Variants in LIG4 observed in about 807,000 individuals in gnomAD.
The protein encoded by LIG4 is DNA joinase.
A neutral mutation model predicts 19.0 loss-of-function variants in LIG4; 13 were observed. The observed-to-expected ratio is 0.68, with a 90% confidence interval of 0.44 to 1.09. LIG4 has a LOEUF of 1.09. Among genes scored for constraint, LIG4 ranks in the 50% least tolerant of loss-of-function variants. LIG4 has a pLI of 0.00. For missense variants in LIG4, 1,026 were observed against 1,089.7 expected, an observed-to-expected ratio of 0.94 and a Z score of 0.82; for synonymous variants, 361 against 358.2, an observed-to-expected ratio of 1.01 and a Z score of -0.09.
At chr13:108,215,020 C>A (rs1176255560) in intron 1 of LIG4, among the ~76,000 whole-genome samples, 2 of 87,664 alleles carry the variant, frequency 2.3e-5, no homozygotes, top group Non-Finnish European at 4.7e-5. Context: ...CCTGACGTCC[C>A]AGACACCACC....
rs752582358 is a variant in LIG4 at position 108,209,778 on chromosome 13, T to C, written c.1491A>G (p.Pro497=). The change falls in exon 3 of 3, where the codon CCA becomes CCG. Residue 497 remains proline (P), a synonymous_variant. Transcript: ENST00000442234. ...CACGAGAGAGAGTATGAAACACAGA[T>C]GGCTTCTCACCAGGAGGGGGCTTCT... ...VAEKPPPGEK[P]SVFHTLSRVG... is the part of the protein sequence containing the mutation. 1 of 1,614,084 alleles carries C rather than the reference T, an allele frequency of 6.2e-7. No individual in the cohort carries two copies. The highest frequency in any genetic ancestry group is 8.5e-7 in the Non-Finnish European group (1 of 1,179,996).
Position 108,209,881 on chromosome 13 carries a change from T to C in LIG4, c.1388A>G (p.Asp463Gly). ...EYVSGLMDEL[D>G]ILIVGGYWGK... ...CCAATATCCTCCAACAATTAAAATGTCCAATTCATCCATTAGTCCACTGAC... is the reference window on the plus strand; with the variant it reads ...CCAATATCCTCCAACAATTAAAATGCCCAATTCATCCATTAGTCCACTGAC... The change falls in exon 3 of 3, where the codon GAC becomes GGC. Residue 463 changes from aspartate to glycine, a missense_variant. By Grantham distance (94) the Asp-to-Gly change is moderately conservative. Around this residue, in one of 3 missense-constraint regions of LIG4, gnomAD observed 493 missense variants for 544.5 expected, o/e 0.91. Coordinates refer to ENST00000442234, the MANE Select transcript of LIG4 (RefSeq NM_206937.2). 3 of 1,614,178 alleles carry C rather than the reference T, an allele frequency of 1.9e-6. No homozygotes were observed. The highest frequency in any genetic ancestry group is 2.2e-5 in the East Asian group (1 of 44,888).
Position 108,208,363 on chromosome 13 carries a change from T to A in LIG4, c.*170A>T. On this transcript the variant is annotated 3_prime_UTR_variant, in exon 3 of 3. Transcript: ENST00000442234. ...ATTTTTCTTTCTTGGCTTTGGGCTA[T>A]TGTCTTTTCAACCTTAAAAGTTAAA... 1.7e-6 allele frequency: 1 copy of A among 573,998 alleles called. No homozygotes were observed. Among genetic ancestry groups the A allele is most frequent in the Non-Finnish European group, 3.1e-6 (1 of 327,830 alleles). The allele number at this position is 573,998 out of a possible 1,614,324, so 35.6% of individuals were successfully genotyped here. A position where few individuals can be genotyped will look rare whatever the true frequency, so the allele number is the denominator to read the frequency against.
At chr13:108,216,437 G>A (rs1879294529), upstream of LIG4, among the ~76,000 whole-genome samples, 1 of 152,238 alleles carries the variant, frequency 6.6e-6, no homozygotes, top group East Asian at 1.9e-4. Context: ...AGTGCCCTTA[G>A]AGGTTGTGTA....
In LIG4 at chr13:108,208,512, T is replaced by C; in HGVS notation, c.*21A>G. 2.7e-6 allele frequency: 4 copies of C among 1,503,304 alleles called. No individual in the cohort carries two copies. The highest frequency in any genetic ancestry group is 3.7e-6 in the Non-Finnish European group (4 of 1,081,384). 93.1% of individuals were successfully genotyped at this position (1,503,304 alleles called of 1,614,324 possible). A position where few individuals can be genotyped will look rare whatever the true frequency, so the allele number is the denominator to read the frequency against. ...AATGAGTCTGCCAGATCAGAGGCTT[T>C]CCTCACTAGGAAACCTAGCTTTAAA... On this transcript the variant is annotated 3_prime_UTR_variant, in exon 3 of 3. Transcript: ENST00000442234.
upstream of LIG4, among the ~76,000 whole-genome samples, chr13:108,217,380 G>A (rs914543093): frequency 1.3e-5 from 2 of 152,198 alleles, no homozygotes; most frequent in East Asian, 3.9e-4. Flanking sequence ...TTAGCTGGGC[G>A]TGGTGGCGCA....
chr13:108,208,920 A>C lies in LIG4; in HGVS notation c.2349T>G (p.Asn783Lys). The C allele has an allele frequency of 6.2e-7, 1 of 1,614,180 alleles. No individual in the cohort carries two copies. Among genetic ancestry groups the C allele is most frequent in the Non-Finnish European group, 8.5e-7 (1 of 1,180,026 alleles). Residue 783 changes from asparagine (N) to lysine (K), a missense_variant, in exon 3 of 3, where the codon AAT (asparagine) becomes AAG (lysine). Transcript: ENST00000442234. Reference sequence around the variant, plus strand: ...TTTCTTCAGGAGTCTGCTCGTTAGAATTTTTAATTCCTGAGAATACTTCCT... The same window carrying C: ...TTTCTTCAGGAGTCTGCTCGTTAGACTTTTTAATTCCTGAGAATACTTCCT... ...QLKEVFSGIKNSNEQTPEEMA... is the reference protein window; with the variant it reads ...QLKEVFSGIKKSNEQTPEEMA...
chr13:108,211,356 T>A, intron 2 of LIG4, 60 bp from the exon 3 acceptor site: 1 of 952,542 alleles, frequency 1.0e-6, no homozygotes, highest in South Asian at 1.4e-5. Flanking sequence ...AAATATTTAA[T>A]GTAAAGATCT....
chr13:108,210,375 G>A lies in LIG4; in HGVS notation c.894C>T (p.Tyr298=). ...YKYFSRNGYN[Y]TDQFGASPTE... is the part of the protein sequence containing the mutation. ...TAGGAGAAGCACCAAACTGATCAGT[G>A]TAGTTATATCCATTTCGAGAGAAGT... Residue 298 remains tyrosine, a synonymous_variant, in exon 3 of 3, where the codon TAC becomes TAT. Transcript: ENST00000442234. The A allele has an allele frequency of 1.2e-6, 2 of 1,613,894 alleles. No individual in the cohort carries two copies.
In LIG4 at chr13:108,209,002, C is replaced by A; in HGVS notation, c.2267G>T (p.Arg756Leu). 6.2e-7 allele frequency: 1 copy of A among 1,614,098 alleles called. No homozygotes were observed. The highest frequency in any genetic ancestry group is 8.5e-7 in the Non-Finnish European group (1 of 1,180,012). Reference sequence around the variant, plus strand: ...ACTATCACCATAGCAATCATATTCACGGGCAAAATGTTCTTTGGTTGATGG... The same window carrying A: ...ACTATCACCATAGCAATCATATTCAAGGGCAAAATGTTCTTTGGTTGATGG... ...MCPSTKEHFAREYDCYGDSYF... is the reference protein window; with the variant it reads ...MCPSTKEHFALEYDCYGDSYF... The change falls in exon 3 of 3, where the codon CGT (arginine) becomes CTT (leucine). Residue 756 changes from arginine (R) to leucine (L), a missense_variant. Physicochemically the swap from Arg to Leu is moderately radical, Grantham distance 102 (BLOSUM62 -2). Around this residue, in one of 3 missense-constraint regions of LIG4, gnomAD observed 521 missense variants for 515.5 expected, o/e 1.01. Coordinates refer to ENST00000442234, the MANE Select transcript of LIG4 (RefSeq NM_206937.2).
Position 108,209,364 on chromosome 13 carries a change from C to A in LIG4, c.1905G>T (p.Lys635Asn). The A allele has an allele frequency of 6.2e-7, 1 of 1,614,110 alleles. No individual in the cohort carries two copies. The change falls in exon 3 of 3, where the codon AAG becomes AAT. Residue 635 changes from lysine (K) to asparagine (N), a missense_variant. Lys to Asn is a moderately conservative substitution (Grantham distance 94). Around this residue, in one of 3 missense-constraint regions of LIG4, gnomAD observed 521 missense variants for 515.5 expected, o/e 1.01. Transcript: ENST00000442234. Reference protein sequence around the residue: ...EKKRKAAPKMKKVIGIIEHLK... With the variant: ...EKKRKAAPKMNKVIGIIEHLK... Reference sequence around the variant, plus strand: ...AGTGCTCAATAATTCCAATAACTTTCTTCATCTTTGGGGCAGCTTTCCGCT... The same window carrying A: ...AGTGCTCAATAATTCCAATAACTTTATTCATCTTTGGGGCAGCTTTCCGCT...
chr13:108,218,115 C>A (rs1879404724), upstream of LIG4: 2 of 152,210 alleles, frequency 1.3e-5, no homozygotes, highest in Admixed American at 6.5e-5. Flanking sequence ...GACCTCATTG[C>A]GACACCCTTA....
chr13:108,217,437 T>C (rs1311861641), upstream of LIG4, among the ~76,000 whole-genome samples: 1 of 152,194 alleles, frequency 6.6e-6, no homozygotes, highest in Non-Finnish European at 1.5e-5. Context: ...GAGAATCGCT[T>C]GAACCCGGGA....
upstream of LIG4, among the ~76,000 whole-genome samples, chr13:108,218,000 A>G (rs555214148): frequency 6.6e-6 from 1 of 152,378 alleles, no homozygotes; most frequent in East Asian, 1.9e-4. Flanking sequence ...AGGGCTCTCC[A>G]AATGGCACAA....
chr13:108,207,888 T>G lies in LIG4; in HGVS notation c.*645A>C, dbSNP rs982361407. 6 of 152,154 alleles carry G rather than the reference T, an allele frequency of 3.9e-5. No homozygotes were observed. The highest frequency in any genetic ancestry group is 1.4e-4 in the African/African-American group (6 of 41,446). The allele number at this position is 152,154 out of a possible 1,614,324, so 9.4% of individuals were successfully genotyped here. A position where few individuals can be genotyped will look rare whatever the true frequency, so the allele number is the denominator to read the frequency against. ...TGAGCTACTTTTAAAATTGCAAGCT[T>G]TATTTTTAATCAAACCAATTCAATT... is the stretch of plus-strand genomic sequence containing the variant. On this transcript the variant is annotated 3_prime_UTR_variant, in exon 3 of 3. Transcript: ENST00000442234.
rs2232643 is a variant in LIG4, at chr13:108,208,479, C to T, written c.*54G>A. On this transcript the variant is annotated 3_prime_UTR_variant, in exon 3 of 3. Coordinates refer to ENST00000442234, the MANE Select transcript of LIG4 (RefSeq NM_206937.2). ...GTAGTTTAGTATTTTATCATTACCA[C>T]CTGCTGCAATGAGTCTGCCAGATCA... 9,087 of 1,093,214 alleles carry T rather than the reference C, an allele frequency of 8.3e-3. 100 individuals are homozygous for T. The highest frequency in any genetic ancestry group is 0.037 in the African/African-American group (2,370 of 64,050). The allele number at this position is 1,093,214 out of a possible 1,614,324, so 67.7% of individuals were successfully genotyped here. A position where few individuals can be genotyped will look rare whatever the true frequency, so the allele number is the denominator to read the frequency against.
Position 108,210,873 on chromosome 13 carries a change from C to A in LIG4, c.396G>T (p.Val132=). 1 of 1,614,046 alleles carries A rather than the reference C, an allele frequency of 6.2e-7. No homozygotes were observed. Among genetic ancestry groups the A allele is most frequent in the East Asian group, 2.2e-5 (1 of 44,870 alleles). ...CTTTCTGTAAACATCTTGGCTTCAACACAAAATATGCAATCATTGCAAAGT... is the reference window on the plus strand; with the variant it reads ...CTTTCTGTAAACATCTTGGCTTCAAAACAAAATATGCAATCATTGCAAAGT... The part of the protein sequence containing the change: ...AGDFAMIAYF[V]LKPRCLQKGS... The change falls in exon 3 of 3, where the codon GTG becomes GTT. Residue 132 remains valine, a synonymous_variant. Coordinates refer to ENST00000442234, the MANE Select transcript of LIG4 (RefSeq NM_206937.2).
chr13:108,210,242 TG>T lies in LIG4; in HGVS notation c.1026del (p.Phe342LeufsTer14). The T allele has an allele frequency of 3.1e-6, 5 of 1,613,770 alleles. No homozygotes were observed. Among genetic ancestry groups the T allele is most frequent in the Non-Finnish European group, 3.4e-6 (4 of 1,179,838 alleles). On this transcript the variant is annotated frameshift_variant, in exon 3 of 3. Transcript: ENST00000442234. LOFTEE classifies it low-confidence loss of function (END_TRUNC). ...MMAYNPNTQT[F>X]MQKGTKFDIK... ...ATATCAAACTTAGTTCCCTTTTGCA[TG>T]AAAGTTTGTGTATTAGGATTATAGG...
At position 108,209,225 on chromosome 13, in the gene LIG4, T is replaced by G. The variant is rs375816915; in HGVS notation, c.2044A>C (p.Ile682Leu). Residue 682 changes from isoleucine (I) to leucine (L), a missense_variant, in exon 3 of 3, where the codon ATT becomes CTT. By Grantham distance (5) the Ile-to-Leu change is conservative (BLOSUM62 2). Transcript: ENST00000442234. ...ACTATATAACCACCAAATTCTGCAA[T>G]TCTGTTCTCCAGGTCAGGCTTTGGC... is the stretch of plus-strand genomic sequence containing the variant. ...SQPKPDLENR[I>L]AEFGGYIVQN... 52 of 1,614,058 alleles carry G rather than the reference T, an allele frequency of 3.2e-5. No individual in the cohort carries two copies. Among genetic ancestry groups the G allele is most frequent in the Non-Finnish European group, 4.2e-5 (50 of 1,180,020 alleles).
Sources: allele counts gnomAD v4.1 joint callset (sites outside exome capture counted in the v4.1 genomes callset), GRCh38; gene constraint gnomAD v4.1.1; regional missense constraint gnomAD v4.1.1; transcripts MANE v1.5; gene names NCBI Gene and HGNC (gene_info 2026-07-23, HGNC 2026-07-21).